Variants in CSMD1 observed in about 807,000 individuals in gnomAD.
CSMD1 encodes the protein CUB and sushi domain-containing protein 1.
A neutral mutation model predicts 417.5 loss-of-function variants in CSMD1; 213 were observed. The observed-to-expected ratio is 0.51, with a 90% CI of 0.46 to 0.57. The LOEUF is 0.57. Among genes scored for constraint, CSMD1 ranks in the 20% least tolerant of loss-of-function variants. The pLI, the probability that CSMD1 is intolerant of heterozygous loss-of-function variation, is 0.00. For synonymous variants in CSMD1, 2,862 were observed against 1,736.8 expected, an observed-to-expected ratio of 1.65 and a Z score of -16.11; for missense variants, 6,923 against 4,529.7, an observed-to-expected ratio of 1.53 and a Z score of -15.17.
intron 6 of CSMD1, among the ~76,000 whole-genome samples, chr8:3,744,408 A>G (rs1584934760): frequency 6.6e-6 from 1 of 152,188 alleles, no homozygotes; most frequent in South Asian, 2.1e-4. Flanking sequence ...GAATTACATG[A>G]GGTTTTATTC....
chr8:4,058,122 G>C (rs182789509), intron 3 of CSMD1, among the ~76,000 whole-genome samples: 2 of 152,172 alleles, frequency 1.3e-5, no homozygotes, highest in Admixed American at 6.5e-5. Flanking sequence ...AATTACCTTG[G>C]GCAGCATGGC....
At chr8:4,742,222 G>A (rs957751474) in intron 1 of CSMD1, among the ~76,000 whole-genome samples, 1 of 150,842 alleles carries the variant, frequency 6.6e-6, no homozygotes, top group East Asian at 2.0e-4. Flanking sequence ...AGTAGAGACG[G>A]GGTTTCACCT....
chr8:3,512,763 C>G (rs1021560336), intron 10 of CSMD1, among the ~76,000 whole-genome samples: 1 of 151,784 alleles, frequency 6.6e-6, no homozygotes, highest in East Asian at 1.9e-4. Flanking sequence ...TGCATGCCAC[C>G]ACACGCAGGT....
chr8:4,370,871 G>A (rs986118599), intron 3 of CSMD1, among the ~76,000 whole-genome samples: 1 of 152,094 alleles, frequency 6.6e-6, no homozygotes, highest in Non-Finnish European at 1.5e-5. Flanking sequence ...ACCTCCTCTT[G>A]TATCTTGATG....
chr8:4,981,754 A>G (rs1473675336), intron 1 of CSMD1, among the ~76,000 whole-genome samples: 1 of 152,100 alleles, frequency 6.6e-6, no homozygotes, highest in Non-Finnish European at 1.5e-5. Flanking sequence ...TCTCCTTGAG[A>G]GTGGGCAGGA....
chr8:4,005,859 G>A (rs1367166359), intron 4 of CSMD1, among the ~76,000 whole-genome samples: 1 of 152,138 alleles, frequency 6.6e-6, no homozygotes, highest in East Asian at 1.9e-4. Flanking sequence ...TTAATTCCCT[G>A]GTCCCCATGA....
intron 3 of CSMD1, among the ~76,000 whole-genome samples, chr8:4,392,170 G>A (rs1174382725): frequency 6.6e-6 from 1 of 152,176 alleles, no homozygotes; most frequent in African/African-American, 2.4e-5. Context: ...GGGCATTTTT[G>A]TTTCAACGTG....
intron 5 of CSMD1, among the ~76,000 whole-genome samples, chr8:3,957,443 CA>C (rs1585032592): frequency 1.3e-5 from 2 of 152,168 alleles, no homozygotes; most frequent in East Asian, 3.9e-4. Context: ...TTTGGGAGGC[CA>C]AAGCAGGAGA....
chr8:3,560,515 T>G (rs1175019663), intron 10 of CSMD1, among the ~76,000 whole-genome samples: 1 of 152,074 alleles, frequency 6.6e-6, no homozygotes, highest in Admixed American at 6.5e-5. Context: ...AACCTAGACC[T>G]TGAAAGCATG....
intron 7 of CSMD1, among the ~76,000 whole-genome samples, chr8:3,707,244 G>A (rs926498252): frequency 2.0e-5 from 3 of 152,162 alleles, no homozygotes; most frequent in Non-Finnish European, 4.4e-5. Context: ...ATTAGTTTTA[G>A]CAGAATATTT....
At chr8:4,359,263 A>G (rs1308945047) in intron 3 of CSMD1, among the ~76,000 whole-genome samples, 2 of 152,204 alleles carry the variant, frequency 1.3e-5, no homozygotes, top group Non-Finnish European at 2.9e-5. Flanking sequence ...CTCTTCAAGA[A>G]TATTTAATTC....
intron 1 of CSMD1, among the ~76,000 whole-genome samples, chr8:4,808,861 C>G (rs766600817): frequency 1.3e-5 from 2 of 152,192 alleles, no homozygotes; most frequent in Non-Finnish European, 2.9e-5. Flanking sequence ...CCATGTCTCT[C>G]CAACAAGTCT....
At chr8:3,748,778 A>T (rs533906563) in intron 6 of CSMD1, among the ~76,000 whole-genome samples, 1 of 152,352 alleles carries the variant, frequency 6.6e-6, no homozygotes, top group African/African-American at 2.4e-5. Flanking sequence ...CATTTGGTAT[A>T]AAGGTCTTCA....
At chr8:4,296,542 C>A (rs753072300) in intron 3 of CSMD1, among the ~76,000 whole-genome samples, 44 of 152,032 alleles carry the variant, frequency 2.9e-4, no homozygotes, top group Non-Finnish European at 6.2e-4. Flanking sequence ...GCATTATTCA[C>A]TACTCATAAT....
intron 48 of CSMD1, among the ~76,000 whole-genome samples, chr8:3,090,096 C>T (rs886685931): frequency 5.3e-5 from 8 of 152,134 alleles, no homozygotes; most frequent in South Asian, 2.1e-4. Context: ...GGCCGGATCA[C>T]AAGGTCAGGA....
intron 30 of CSMD1, 109 bp from the exon 31 acceptor site, chr8:3,205,729 G>C (rs143412830): frequency 2.0e-6 from 1 of 490,822 alleles, no homozygotes; most frequent in African/African-American, 2.0e-5. Flanking sequence ...TTGAAAACTT[G>C]ACAAAATAAG....
intron 10 of CSMD1, among the ~76,000 whole-genome samples, chr8:3,567,509 G>A (rs1222965493): frequency 2.0e-5 from 3 of 149,970 alleles, no homozygotes; most frequent in East Asian, 3.9e-4. Context: ...AAGGAAGGGA[G>A]GGGAGGGGGA....
intron 2 of CSMD1, among the ~76,000 whole-genome samples, chr8:4,608,779 T>A (rs1444325946): frequency 6.6e-6 from 1 of 152,118 alleles, no homozygotes; most frequent in Non-Finnish European, 1.5e-5. Flanking sequence ...GGCTGGAAAA[T>A]ACCTAGCTGA....
At chr8:3,362,179 C>T (rs1384978209) in intron 20 of CSMD1, among the ~76,000 whole-genome samples, 1 of 152,142 alleles carries the variant, frequency 6.6e-6, no homozygotes, top group African/African-American at 2.4e-5. Context: ...AAACTAACAA[C>T]ACCAATCTCT....
Sources: allele counts gnomAD v4.1 joint callset (sites outside exome capture counted in the v4.1 genomes callset), GRCh38; gene constraint gnomAD v4.1.1; transcripts MANE v1.5; gene names NCBI Gene and HGNC (gene_info 2026-07-23, HGNC 2026-07-21).